The following MRPS10 variants were observed in gnomAD, a reference collection of about 807,000 sequenced individuals.
The protein encoded by MRPS10 is small ribosomal subunit protein uS10m.
Under a neutral mutation model 27.5 loss-of-function variants are expected in MRPS10, and 23 were observed. That is an observed-to-expected ratio of 0.84 (90% confidence interval 0.60 to 1.18). The LOEUF is 1.18. Among genes scored for constraint, MRPS10 ranks in the 50% most tolerant of loss-of-function variants. The pLI, the probability that MRPS10 is intolerant of heterozygous loss-of-function variation, is 0.00. For synonymous variants in MRPS10, 88 were observed against 84.2 expected (o/e 1.04, Z -0.25); for missense variants, 237 against 240.1 (o/e 0.99, Z 0.09).
At chr6:42,216,410 G>GTGTGTGTGTGTGTGTGTGTGTGTA (rs1768942722) in intron 1 of MRPS10, among the ~76,000 whole-genome samples, 1 of 146,180 alleles carries the variant, frequency 6.8e-6, no homozygotes, top group African/African-American at 2.5e-5. Context: ...GTGTGTGTGT[G>GTGTGTGTGTGTGTGTGTGTGTGTA]TGTTGGGGGA....
At chr6:42,209,426 A>G (rs1426657683) in intron 5 of MRPS10, among the ~76,000 whole-genome samples, 1 of 152,010 alleles carries the variant, frequency 6.6e-6, no homozygotes, top group Non-Finnish European at 1.5e-5. Context: ...TCAGACAAAG[A>G]TGGATAAAAT....
intron 5 of MRPS10, among the ~76,000 whole-genome samples, chr6:42,209,802 A>G (rs1768725579): frequency 6.8e-6 from 1 of 147,332 alleles, no homozygotes; most frequent in South Asian, 2.2e-4. Context: ...ACTTTATTAT[A>G]TTTGTGCCCT....
Position 42,217,835 on chromosome 6 carries a change from T to G in MRPS10, c.15A>C (p.Thr5=), listed in dbSNP as rs140899247. MAAR[T]AFGAVCRRLW... ...GGCGCCGGCACACAGCACCGAACGC[T>G]GTCCGCGCCGCCATCTTGCCGGTCC... Residue 5 remains threonine (T), a synonymous_variant, in exon 1 of 7, where the codon ACA becomes ACC. Coordinates refer to ENST00000053468, the MANE Select transcript of MRPS10 (RefSeq NM_018141.4). 2.8e-5 allele frequency: 46 copies of G among 1,614,158 alleles called. No individual in the cohort carries two copies. In the African/African-American group the frequency reaches 3.5e-4, roughly 12 times the overall value.
chr6:42,216,385 A>AGAGTGTGTGTGTGTGTGTGT, intron 1 of MRPS10, among the ~76,000 whole-genome samples: 10 of 58,694 alleles, frequency 1.7e-4, no homozygotes, highest in African/African-American at 4.4e-4. Flanking sequence ...AGAGAGAGAG[A>AGAGTGTGTGTGTGTGTGTGT]GTGTGTGTGT....
intron 5 of MRPS10, among the ~76,000 whole-genome samples, chr6:42,209,189 G>A (rs1000499655): frequency 3.7e-5 from 5 of 135,246 alleles, no homozygotes. Flanking sequence ...GTAGAGACGG[G>A]GTTTCATCAT....
At chr6:42,212,665 C>T (rs888457734) in intron 3 of MRPS10, among the ~76,000 whole-genome samples, 6 of 152,086 alleles carry the variant, frequency 3.9e-5, no homozygotes, top group South Asian at 2.1e-4. Flanking sequence ...TTCATTCATC[C>T]GTTAAACCAG....
intron 3 of MRPS10, among the ~76,000 whole-genome samples, chr6:42,213,452 T>C (rs1768839033): frequency 6.6e-6 from 1 of 151,906 alleles, no homozygotes; most frequent in Admixed American, 6.6e-5. Context: ...TGTCTCAAAA[T>C]AAATAAATAA....
intron 1 of MRPS10, among the ~76,000 whole-genome samples, chr6:42,215,611 G>C (rs929813484): frequency 6.6e-6 from 1 of 152,062 alleles, no homozygotes; most frequent in South Asian, 2.1e-4. Context: ...TACTTTTGTA[G>C]AGATGGGGTT....
At chr6:42,214,953 C>G (rs1294032985) in intron 1 of MRPS10, among the ~76,000 whole-genome samples, 1 of 152,178 alleles carries the variant, frequency 6.6e-6, no homozygotes, top group Non-Finnish European at 1.5e-5. Flanking sequence ...TCAGCTCCCC[C>G]TGGTGGAACA....
At chr6:42,208,999 G>GTT (rs375700314) in intron 5 of MRPS10, 52 bp from the exon 6 acceptor site, 20,396 of 1,047,148 alleles carry the variant, frequency 0.019, 142 homozygotes, top group African/African-American at 0.042. Context: ...TTAAAGCACG[G>GTT]TTTTTTGTTT....
intron 6 of MRPS10, 145 bp downstream of exon 6, chr6:42,208,713 G>A (rs6936290): frequency 0.86 from 525,682 of 614,698 alleles, 225,294 homozygotes; most frequent in East Asian, 0.93. Context: ...GCCCCCAACC[G>A]CTGTGGCAAC....
intron 1 of MRPS10, among the ~76,000 whole-genome samples, chr6:42,217,496 G>A (rs536845415): frequency 6.6e-6 from 1 of 152,264 alleles, no homozygotes; most frequent in African/African-American, 2.4e-5. Context: ...TGTCTTCTCT[G>A]AGCCTCAGTT....
At chr6:42,217,554 A>C (rs1286750882) in intron 1 of MRPS10, among the ~76,000 whole-genome samples, 1 of 152,134 alleles carries the variant, frequency 6.6e-6, no homozygotes, top group Non-Finnish European at 1.5e-5. Context: ...CGAAGTACAA[A>C]ATCTTTTCCA....
At chr6:42,212,134 G>T (rs1204231899) in intron 3 of MRPS10, among the ~76,000 whole-genome samples, 1 of 152,106 alleles carries the variant, frequency 6.6e-6, no homozygotes, top group East Asian at 1.9e-4. Context: ...TAAATGAAAA[G>T]AATTTTCAAG....
chr6:42,212,257 T>C (rs1011260400), intron 3 of MRPS10, among the ~76,000 whole-genome samples: 1 of 152,204 alleles, frequency 6.6e-6, no homozygotes, highest in African/African-American at 2.4e-5. Flanking sequence ...GGCAGAAGAC[T>C]TGGATTGAGG....
chr6:42,217,755 G>C (rs759432563), intron 1 of MRPS10, 47 bp downstream of exon 1: 3 of 1,595,124 alleles, frequency 1.9e-6, no homozygotes, highest in Non-Finnish European at 8.6e-7. Flanking sequence ...AAACTTAAAA[G>C]CAACTATCCC....
chr6:42,210,574 C>A lies in MRPS10; in HGVS notation c.346G>T (p.Glu116Ter). 2 of 1,502,338 alleles carry A rather than the reference C, an allele frequency of 1.3e-6. No homozygotes were observed. The highest frequency in any genetic ancestry group is 1.8e-6 in the Non-Finnish European group (2 of 1,109,598). The allele number at this position is 1,502,338 out of a possible 1,614,324, so 93.1% of individuals were successfully genotyped here. A position where few individuals can be genotyped will look rare whatever the true frequency, so the allele number is the denominator to read the frequency against. ...IKVHEPPRKIERFTLLQSVHI... is the reference protein window; with the variant it reads ...IKVHEPPRKI ...ACTGATTGGAGAAGAGTAAATCGCT[C>A]TATTTTCCTTGGAGGTTCATGTCTG... The change falls in exon 5 of 7, where the codon GAG becomes TAG. Residue 116 changes from glutamate to a stop codon, truncating the protein, a stop_gained. Coordinates refer to ENST00000053468, the MANE Select transcript of MRPS10 (RefSeq NM_018141.4). LOFTEE classifies it high-confidence loss of function.
intron 1 of MRPS10, among the ~76,000 whole-genome samples, chr6:42,216,395 T>A (rs1038396007): frequency 0.011 from 770 of 70,448 alleles, 11 homozygotes; most frequent in African/African-American, 0.023. Flanking sequence ...AGTGTGTGTG[T>A]GTGTGTGTGT....
Position 42,217,802 on chromosome 6 carries a change from C to T in MRPS10, c.48G>A (p.Gln16=). ...AFGAVCRRLW[Q]GLGNFSVNTS... ...CTAGTCTCCCTAGCCAATCCAGTAC[C>T]TGCCAGAGGCGCCGGCACACAGCAC... The change falls in exon 1 of 7, where the codon CAG becomes CAA. Residue 16 remains glutamine, a splice_region_variant and synonymous_variant. Transcript: ENST00000053468. 2 of 1,614,132 alleles carry T rather than the reference C, an allele frequency of 1.2e-6. No individual in the cohort carries two copies. The highest frequency in any genetic ancestry group is 8.5e-7 in the Non-Finnish European group (1 of 1,180,008).
Sources: gnomAD v4.1 joint callset for allele counts (sites outside exome capture counted in the v4.1 genomes callset) on GRCh38, gnomAD v4.1.1 for gene constraint, MANE v1.5 for transcripts, NCBI Gene and HGNC (gene_info 2026-07-23, HGNC 2026-07-21) for gene names.